The following FAXDC2 variants were observed in gnomAD, a reference collection of about 807,000 sequenced individuals.
FAXDC2 encodes fatty acid hydroxylase domain-containing protein 2.
Under a neutral mutation model 40.9 loss-of-function variants are expected in FAXDC2, and 41 were observed. That is an observed-to-expected ratio of 1.00 (90% CI 0.78 to 1.30). The LOEUF is 1.30. Ranked by LOEUF, FAXDC2 falls within the 50% of genes most tolerant of loss-of-function variation. FAXDC2 has a pLI of 0.00. For missense variants in FAXDC2, 390 were observed against 408.8 expected (o/e 0.95, Z 0.40); for synonymous variants, 157 against 149.3 (o/e 1.05, Z -0.38).
chr5:154,847,710 T>C (rs1354585782), intron 1 of FAXDC2, among the ~76,000 whole-genome samples: 33 of 151,380 alleles, frequency 2.2e-4, no homozygotes, highest in African/African-American at 6.8e-4. Context: ...AGGCTGGTCT[T>C]GAACTCCTGA....
At chr5:154,847,472 T>C (rs1760624851) in intron 1 of FAXDC2, among the ~76,000 whole-genome samples, 1 of 149,398 alleles carries the variant, frequency 6.7e-6, no homozygotes, top group African/African-American at 2.5e-5. Context: ...GATTTTCTTT[T>C]TTCTTTCTTT....
chr5:154,836,690 G>T (rs968603494), intron 2 of FAXDC2, among the ~76,000 whole-genome samples: 1 of 151,810 alleles, frequency 6.6e-6, no homozygotes, highest in East Asian at 1.9e-4. Flanking sequence ...TTACTGTGTT[G>T]CCCAGGCTGG....
chr5:154,847,390 A>C (rs892317246), intron 1 of FAXDC2, among the ~76,000 whole-genome samples: 1 of 152,190 alleles, frequency 6.6e-6, no homozygotes, highest in African/African-American at 2.4e-5. Flanking sequence ...AGGACATGGG[A>C]ATAAGGTGAG....
At chr5:154,825,196 C>T (rs1369720810) in intron 5 of FAXDC2, among the ~76,000 whole-genome samples, 2 of 150,698 alleles carry the variant, frequency 1.3e-5, no homozygotes, top group Non-Finnish European at 2.9e-5. Flanking sequence ...AACCTCGTCT[C>T]TACGAAAAAT....
chr5:154,832,808 A>G (rs1760226947), intron 4 of FAXDC2, among the ~76,000 whole-genome samples: 1 of 152,184 alleles, frequency 6.6e-6, no homozygotes. Flanking sequence ...AAGCTAATAA[A>G]GTTTTTCTAC....
chr5:154,838,606 CT>C (rs201665443), intron 1 of FAXDC2: 1,166 of 198,546 alleles, frequency 5.9e-3, no homozygotes, highest in South Asian at 0.014. Context: ...TTGGTTTGTT[CT>C]TTTTTTTTTG....
At chr5:154,822,829 A>G (rs981159812) in intron 6 of FAXDC2, among the ~76,000 whole-genome samples, 7 of 152,156 alleles carry the variant, frequency 4.6e-5, no homozygotes, top group African/African-American at 1.7e-4. Flanking sequence ...TAAGGAAATG[A>G]ATGGGAAACT....
chr5:154,822,278 G>A lies in FAXDC2; in HGVS notation c.678+194C>T, dbSNP rs1380131021. 8.8e-6 allele frequency: 5 copies of A among 571,102 alleles called. No homozygotes were observed. The African/African-American group carries it at 9.4e-5, about 11-fold the overall frequency. The allele number at this position is 571,102 out of a possible 1,614,324, so 35.4% of individuals were successfully genotyped here. On this transcript the variant is annotated intron_variant, in intron 7 of 8. Coordinates refer to ENST00000326080, the MANE Select transcript of FAXDC2 (RefSeq NM_032385.5). Reference sequence around the variant, plus strand: ...GTCTCAAAAAGAAAAAAAGAAAGTTGTTGGGATGATTAAATGAGACAACTG... The same window carrying A: ...GTCTCAAAAAGAAAAAAAGAAAGTTATTGGGATGATTAAATGAGACAACTG...
intron 5 of FAXDC2, among the ~76,000 whole-genome samples, chr5:154,827,459 G>GTGTGTA (rs772492255): frequency 6.7e-6 from 1 of 149,898 alleles, no homozygotes; most frequent in African/African-American, 2.5e-5. Context: ...GTGTGTGTGT[G>GTGTGTA]TATGTCTGTT....
intron 1 of FAXDC2, among the ~76,000 whole-genome samples, chr5:154,845,719 T>C (rs1311916859): frequency 6.6e-6 from 1 of 150,958 alleles, no homozygotes; most frequent in African/African-American, 2.4e-5. Context: ...TCTATTCAGA[T>C]GCCCCCATTT....
At chr5:154,826,477 C>A (rs1251732812) in intron 5 of FAXDC2, among the ~76,000 whole-genome samples, 44 of 148,048 alleles carry the variant, frequency 3.0e-4, no homozygotes, top group Non-Finnish European at 5.9e-5. Flanking sequence ...TGCAGTGAGC[C>A]AAGATTGCGC....
intron 5 of FAXDC2, among the ~76,000 whole-genome samples, chr5:154,825,769 GA>G (rs1294341398): frequency 6.6e-6 from 1 of 151,840 alleles, no homozygotes; most frequent in Non-Finnish European, 1.5e-5. Flanking sequence ...ATTTATTTCA[GA>G]AATAGAGTTA....
intron 1 of FAXDC2, chr5:154,838,982 C>T (rs1760418559): frequency 6.6e-6 from 1 of 152,142 alleles, no homozygotes; most frequent in Non-Finnish European, 1.5e-5. Context: ...CATTAACCTC[C>T]TTTAAAAATG....
chr5:154,841,633 G>A (rs1760476478), intron 1 of FAXDC2, among the ~76,000 whole-genome samples: 1 of 152,142 alleles, frequency 6.6e-6, no homozygotes, highest in African/African-American at 2.4e-5. Flanking sequence ...CAGTTCCTGT[G>A]GCTTGATTCT....
chr5:154,831,572 C>T (rs1340638541), intron 4 of FAXDC2, among the ~76,000 whole-genome samples: 1 of 152,110 alleles, frequency 6.6e-6, no homozygotes, highest in Non-Finnish European at 1.5e-5. Flanking sequence ...GCTTCAGCCT[C>T]CTGAATAGTT....
intron 6 of FAXDC2, 27 bp from the exon 7 acceptor site, chr5:154,822,604 CCTG>C: frequency 6.4e-7 from 1 of 1,554,432 alleles, no homozygotes; most frequent in Non-Finnish European, 8.9e-7. Flanking sequence ...TAGTTAATAA[CCTG>C]CTGATTCCTC....
chr5:154,823,720 C>A, intron 5 of FAXDC2, 128 bp from the exon 6 acceptor site: 1 of 712,610 alleles, frequency 1.4e-6, no homozygotes, highest in Non-Finnish European at 2.4e-6. Flanking sequence ...CCAGTAGCTC[C>A]TGACTGCCAC....
At chr5:154,843,890 C>G (rs1372725463) in intron 1 of FAXDC2, among the ~76,000 whole-genome samples, 2 of 152,132 alleles carry the variant, frequency 1.3e-5, no homozygotes, top group Non-Finnish European at 2.9e-5. Flanking sequence ...CTTTGGGAGG[C>G]TGAGGCAGGA....
intron 2 of FAXDC2, among the ~76,000 whole-genome samples, chr5:154,835,715 G>C (rs1253529042): frequency 6.6e-6 from 1 of 151,464 alleles, no homozygotes; most frequent in African/African-American, 2.4e-5. Context: ...GGAGTAGCTG[G>C]GACTACAGGA....
Sources: allele counts gnomAD v4.1 joint callset (sites outside exome capture counted in the v4.1 genomes callset), GRCh38; gene constraint gnomAD v4.1.1; transcripts MANE v1.5; gene names NCBI Gene and HGNC (gene_info 2026-07-23, HGNC 2026-07-21).